ASCC1: variants seen among roughly 807,000 people sequenced by gnomAD.
ASCC1 encodes ASC-1 complex subunit P50.
Under a neutral mutation model 46.6 loss-of-function variants are expected in ASCC1, and 35 were observed. The ratio of observed to expected loss-of-function variants is 0.75; its 90% CI spans 0.57 to 0.99. The LOEUF (loss-of-function observed/expected upper bound fraction) is 0.99, where lower values mean the gene tolerates loss of function less well. Among genes scored for constraint, ASCC1 ranks in the 50% least tolerant of loss-of-function variants. The pLI, the probability that ASCC1 is intolerant of heterozygous loss-of-function variation, is 0.00. For missense variants in ASCC1, 376 were observed against 428.7 expected, an observed-to-expected ratio of 0.88 and a Z score of 1.09; for synonymous variants, 143 against 146.6, an observed-to-expected ratio of 0.98 and a Z score of 0.18.
Position 72,203,297 on chromosome 10 carries a change from A to AAG in ASCC1, c.310+129_310+130insCT, listed in dbSNP as rs1856757241. The AAG allele has an allele frequency of 3.8e-6, 3 of 794,792 alleles. No homozygotes were observed. The African/African-American group carries it at 5.3e-5, about 14-fold the overall frequency. 49.2% of individuals were successfully genotyped at this position (794,792 alleles called of 1,614,324 possible). A position where few individuals can be genotyped will look rare whatever the true frequency, so the allele number is the denominator to read the frequency against. The stretch of plus-strand genomic sequence containing the variant: ...GCAAAACTCCGTCTCAAAAAAAAAA[A>AAG]AAAAGAAAAGAAAAAGCCCATAGCT... On this transcript the variant is annotated intron_variant, in intron 4 of 9. Coordinates refer to ENST00000672957, the MANE Select transcript of ASCC1 (RefSeq NM_001198800.3).
intron 5 of ASCC1, among the ~76,000 whole-genome samples, chr10:72,195,038 G>A (rs556265335): frequency 2.6e-5 from 4 of 151,874 alleles, no homozygotes; most frequent in African/African-American, 7.2e-5. Context: ...CACCATGCCC[G>A]GCCCAGATTA....
intron 7 of ASCC1, among the ~76,000 whole-genome samples, chr10:72,141,783 T>C (rs957395068): frequency 3.9e-5 from 6 of 152,236 alleles, no homozygotes; most frequent in Admixed American, 3.3e-4. Context: ...CCTGGTACTT[T>C]GTAGATACTA....
intron 5 of ASCC1, among the ~76,000 whole-genome samples, chr10:72,181,209 C>T (rs572356103): frequency 6.6e-6 from 1 of 152,120 alleles, no homozygotes; most frequent in African/African-American, 2.4e-5. Context: ...TGTGATCCAC[C>T]TGCCTCAGCC....
intron 3 of ASCC1, among the ~76,000 whole-genome samples, chr10:72,207,985 T>A (rs1186871954): frequency 2.6e-5 from 4 of 151,998 alleles, no homozygotes; most frequent in African/African-American, 9.7e-5. Flanking sequence ...CTAATTTATT[T>A]TTTTTATTTT....
At chr10:72,147,449 C>T (rs1055868644) in intron 7 of ASCC1, among the ~76,000 whole-genome samples, 3 of 152,088 alleles carry the variant, frequency 2.0e-5, no homozygotes, top group Non-Finnish European at 4.4e-5. Context: ...GACAAGGTTT[C>T]GCCATGTTGG....
intron 8 of ASCC1, 39 bp downstream of exon 8, chr10:72,133,018 C>CT: frequency 6.2e-7 from 1 of 1,613,622 alleles, no homozygotes; most frequent in Non-Finnish European, 8.5e-7. Flanking sequence ...CACAAGGCCG[C>CT]TGATCACAAA....
chr10:72,128,313 G>C (rs1845134807), intron 8 of ASCC1, 146 bp from the exon 9 acceptor site: 2 of 701,800 alleles, frequency 2.8e-6, no homozygotes, highest in Non-Finnish European at 5.1e-6. Context: ...GTCAGGCTAT[G>C]AATCAAGAGA....
intron 9 of ASCC1, among the ~76,000 whole-genome samples, chr10:72,105,912 C>G (rs1842291930): frequency 1.3e-5 from 2 of 152,076 alleles, no homozygotes; most frequent in African/African-American, 2.4e-5. Context: ...CTGGCAATCT[C>G]AAACAGAGGT....
intron 4 of ASCC1, among the ~76,000 whole-genome samples, chr10:72,197,776 CAT>C (rs1280901495): frequency 6.6e-6 from 1 of 151,010 alleles, no homozygotes; most frequent in Non-Finnish European, 1.5e-5. Flanking sequence ...TGTGGTGTCA[CAT>C]GTCTGTAATC....
intron 8 of ASCC1, among the ~76,000 whole-genome samples, chr10:72,129,675 G>A (rs981539829): frequency 1.3e-5 from 2 of 152,008 alleles, no homozygotes; most frequent in South Asian, 2.1e-4. Flanking sequence ...GCATGGTGGC[G>A]CACACCTGTA....
At chr10:72,204,228 G>C (rs1022351726) in intron 3 of ASCC1, among the ~76,000 whole-genome samples, 1 of 152,116 alleles carries the variant, frequency 6.6e-6, no homozygotes, top group Non-Finnish European at 1.5e-5. Flanking sequence ...CAGCCTGGGC[G>C]ACAAGAACGA....
At chr10:72,194,357 CAA>C (rs60115417) in intron 5 of ASCC1, among the ~76,000 whole-genome samples, 5 of 120,424 alleles carry the variant, frequency 4.2e-5, no homozygotes, top group African/African-American at 8.2e-5. Flanking sequence ...AACTGAAATA[CAA>C]AAAAAAAAAA....
chr10:72,105,491 T>C (rs771534355), intron 9 of ASCC1, among the ~76,000 whole-genome samples: 5 of 152,148 alleles, frequency 3.3e-5, no homozygotes, highest in Non-Finnish European at 7.3e-5. Context: ...TCAAGAAAAA[T>C]CCTGCATCAA....
chr10:72,182,815 G>GA (rs764472124), intron 5 of ASCC1, among the ~76,000 whole-genome samples: 67,035 of 126,534 alleles, frequency 0.53, 16,366 homozygotes, highest in Non-Finnish European at 0.59. Flanking sequence ...GTCTCTAAAA[G>GA]AAAAAAAAAA....
At chr10:72,166,236 G>T (rs1266139157) in intron 5 of ASCC1, among the ~76,000 whole-genome samples, 1 of 152,112 alleles carries the variant, frequency 6.6e-6, no homozygotes, top group Non-Finnish European at 1.5e-5. Flanking sequence ...CTCAATAAAT[G>T]GATCTAATCA....
chr10:72,190,921 G>A (rs1250432608), intron 5 of ASCC1, among the ~76,000 whole-genome samples: 2 of 149,090 alleles, frequency 1.3e-5, no homozygotes, highest in African/African-American at 2.5e-5. Flanking sequence ...GCTTGAACCC[G>A]GGAGGCGGAG....
intron 4 of ASCC1, 125 bp downstream of exon 4, chr10:72,203,300 AAG>A: frequency 2.4e-5 from 19 of 791,156 alleles, no homozygotes; most frequent in Middle Eastern, 2.3e-4. Flanking sequence ...AAAAAAAAAA[AAG>A]AAAAGAAAAA....
chr10:72,108,160 T>C (rs960093023), intron 9 of ASCC1, among the ~76,000 whole-genome samples: 5 of 148,738 alleles, frequency 3.4e-5, no homozygotes, highest in African/African-American at 7.4e-5. Flanking sequence ...CACTGCAGCC[T>C]CCACCTCCCA....
At chr10:72,151,774 C>T (rs546589995) in intron 7 of ASCC1, among the ~76,000 whole-genome samples, 20 of 149,926 alleles carry the variant, frequency 1.3e-4, no homozygotes, top group Non-Finnish European at 2.7e-4. Context: ...CTGCAACCTC[C>T]GCTTCCCCGG....
Sources: gnomAD v4.1 joint callset for allele counts (sites outside exome capture counted in the v4.1 genomes callset) on GRCh38, gnomAD v4.1.1 for gene constraint, MANE v1.5 for transcripts, NCBI Gene and HGNC (gene_info 2026-07-23, HGNC 2026-07-21) for gene names.